The following LRRC18 variants were observed in gnomAD, a reference collection of about 807,000 sequenced individuals.
The protein encoded by LRRC18 is leucine-rich repeat-containing protein 18.
A neutral mutation model predicts 11.2 loss-of-function variants in LRRC18; 12 were observed. The observed-to-expected ratio is 1.07, with a 90% CI of 0.69 to 1.74. LRRC18 has a LOEUF of 1.74. Ranked by LOEUF, LRRC18 falls within the 40% of genes most tolerant of loss-of-function variation. The pLI, the probability that LRRC18 is intolerant of heterozygous loss-of-function variation, is 0.00. For synonymous variants in LRRC18, 155 were observed against 130.6 expected, an observed-to-expected ratio of 1.19 and a Z score of -1.27; for missense variants, 374 against 330.5, an observed-to-expected ratio of 1.13 and a Z score of -1.02.
chr10:48,923,385 T>C, the LRRC18 span, among the ~76,000 whole-genome samples: 6 of 151,898 alleles, frequency 4.0e-5, no homozygotes, highest in South Asian at 1.0e-3. Context: ...TATGCACTCA[T>C]CTGATGTTTA....
rs1202218637 is a variant in LRRC18, at chr10:48,910,274, C to T, written c.765-16G>A. On this transcript the variant is annotated splice_polypyrimidine_tract_variant and intron_variant, in intron 1 of 1. Coordinates refer to ENST00000374160, the Ensembl canonical transcript of LRRC18. ...CAAGCGTATTCTGGGGATGGAGACA[C>T]AAGAAGGTGAGGCAATTGCTCCAGG... The T allele has an allele frequency of 3.1e-6, 5 of 1,613,032 alleles. No homozygotes were observed. In the African/African-American group the frequency reaches 5.3e-5, roughly 17 times the overall value.
chr10:48,913,916 C>T (rs1247617566), exon 1 of LRRC18: 2 of 1,614,130 alleles, frequency 1.2e-6, no homozygotes, highest in Admixed American at 1.7e-5. Flanking sequence ...AGTTGCTGTG[C>T]AGGTCCAGCC....
At chr10:48,927,284 C>A in the LRRC18 span, among the ~76,000 whole-genome samples, 1 of 152,248 alleles carries the variant, frequency 6.6e-6, no homozygotes, top group South Asian at 2.1e-4. Flanking sequence ...ACATCATGCC[C>A]GTGTCTTCAT....
exon 1 of LRRC18, chr10:48,913,775 G>A (rs1007846053): frequency 1.9e-6 from 3 of 1,613,968 alleles, no homozygotes; most frequent in Non-Finnish European, 2.5e-6. Flanking sequence ...TCAAGCCTAG[G>A]TTCACAGCGC....
At chr10:48,930,412 G>A in the LRRC18 span, among the ~76,000 whole-genome samples, 91 of 152,322 alleles carry the variant, frequency 6.0e-4, no homozygotes, top group Middle Eastern at 3.4e-3. Flanking sequence ...ATGATGGCAC[G>A]ACGGATTGTT....
upstream of LRRC18, chr10:48,914,283 G>A: frequency 1.0e-6 from 1 of 971,282 alleles, no homozygotes. Flanking sequence ...AGGGCACTGG[G>A]CTCCCCCACG....
At chr10:48,929,348 C>A in the LRRC18 span, among the ~76,000 whole-genome samples, 1 of 152,174 alleles carries the variant, frequency 6.6e-6, no homozygotes, top group Non-Finnish European at 1.5e-5. Context: ...CATGGGGTTG[C>A]ACTGGGCTGG....
chr10:48,914,402 A>C (rs2663065), upstream of LRRC18, among the ~76,000 whole-genome samples: 150,376 of 152,290 alleles, frequency 0.99, 74,270 homozygotes, highest in Middle Eastern at 1. Flanking sequence ...AAACTGTGTG[A>C]CTTCTTCAGA....
At chr10:48,927,723 T>C in the LRRC18 span, among the ~76,000 whole-genome samples, 1 of 152,220 alleles carries the variant, frequency 6.6e-6, no homozygotes, top group Non-Finnish European at 1.5e-5. Context: ...TAGCGGATAA[T>C]AAGAATTCAA....
exon 1 of LRRC18, chr10:48,914,127 C>G (rs752545012): frequency 6.2e-7 from 1 of 1,613,906 alleles, no homozygotes; most frequent in South Asian, 1.1e-5. Context: ...GATCTTCTTG[C>G]CCTTGGGGCC....
upstream of LRRC18, among the ~76,000 whole-genome samples, chr10:48,917,291 A>G (rs1341352511): frequency 6.6e-6 from 1 of 152,222 alleles, no homozygotes; most frequent in East Asian, 1.9e-4. Flanking sequence ...TTACACCTGT[A>G]TCTCAGAAAG....
the LRRC18 span, among the ~76,000 whole-genome samples, chr10:48,932,780 C>T: frequency 4.2e-4 from 64 of 152,004 alleles, 1 homozygote; most frequent in South Asian, 0.012. Context: ...TCGGTGGGGA[C>T]GTTGCTAACT....
At chr10:48,915,157 G>A (rs1208545224), upstream of LRRC18, among the ~76,000 whole-genome samples, 2 of 152,160 alleles carry the variant, frequency 1.3e-5, no homozygotes, top group Admixed American at 1.3e-4. Context: ...CTATGAGGGG[G>A]CGTAAATTAT....
At chr10:48,911,531 C>A (rs1183922663) in intron 1 of LRRC18, among the ~76,000 whole-genome samples, 1 of 152,168 alleles carries the variant, frequency 6.6e-6, no homozygotes, top group Non-Finnish European at 1.5e-5. Context: ...AAAGGTACAA[C>A]AGTAACTTAT....
chr10:48,917,210 G>A (rs1398178343), upstream of LRRC18, among the ~76,000 whole-genome samples: 2 of 152,254 alleles, frequency 1.3e-5, no homozygotes, highest in East Asian at 1.9e-4. Flanking sequence ...GCCTAAGGAT[G>A]TATTTCTCAG....
chr10:48,919,943 A>G, the LRRC18 span, among the ~76,000 whole-genome samples: 2 of 152,196 alleles, frequency 1.3e-5, no homozygotes, highest in African/African-American at 2.4e-5. Flanking sequence ...AAATCACACA[A>G]AGACATATAA....
intron 1 of LRRC18, among the ~76,000 whole-genome samples, chr10:48,911,742 T>C (rs745746399): frequency 2.0e-5 from 3 of 152,242 alleles, no homozygotes; most frequent in Non-Finnish European, 4.4e-5. Context: ...GAATGATGAA[T>C]GCTTTAAGCT....
chr10:48,923,741 C>G, the LRRC18 span, among the ~76,000 whole-genome samples: 1 of 152,008 alleles, frequency 6.6e-6, no homozygotes, highest in African/African-American at 2.4e-5. Context: ...TAGTTCAAAT[C>G]TAGATTCTCA....
chr10:48,916,472 A>G (rs1290448395), upstream of LRRC18, among the ~76,000 whole-genome samples: 1 of 152,238 alleles, frequency 6.6e-6, no homozygotes, highest in Non-Finnish European at 1.5e-5. Flanking sequence ...AGCTGGAAGA[A>G]GAGAACCATT....
Sources: allele counts gnomAD v4.1 joint callset (sites outside exome capture counted in the v4.1 genomes callset), GRCh38; gene constraint gnomAD v4.1.1; transcripts MANE v1.5; gene names NCBI Gene and HGNC (gene_info 2026-07-23, HGNC 2026-07-21).